Variants in PTPRD observed in about 807,000 individuals in gnomAD.
The protein encoded by PTPRD is protein tyrosine phosphatase receptor type D.
Under a neutral mutation model 214.5 loss-of-function variants are expected in PTPRD, and 34 were observed. That is an observed-to-expected ratio of 0.16 (90% confidence interval 0.12 to 0.21). The LOEUF is 0.21. Among genes scored for constraint, PTPRD ranks in the 10% least tolerant of loss-of-function variants. PTPRD has a pLI of 1.00. For synonymous variants in PTPRD, 1,128 were observed against 845.7 expected (o/e 1.33, Z -5.79); for missense variants, 2,545 against 2,398.7 (o/e 1.06, Z -1.27).
chr9:10,003,433 T>C (rs1465684166), intron 4 of PTPRD, among the ~76,000 whole-genome samples: 1 of 151,762 alleles, frequency 6.6e-6, no homozygotes, highest in African/African-American at 2.4e-5. Flanking sequence ...AAAAATGGGT[T>C]GGAGATGAAT....
chr9:9,803,539 G>A (rs1196953668), intron 5 of PTPRD, among the ~76,000 whole-genome samples: 2 of 151,920 alleles, frequency 1.3e-5, no homozygotes, highest in African/African-American at 4.8e-5. Context: ...ATCCCAAATA[G>A]ATAAAACTTC....
At chr9:10,183,561 T>C (rs2099313002) in intron 3 of PTPRD, among the ~76,000 whole-genome samples, 1 of 152,170 alleles carries the variant, frequency 6.6e-6, no homozygotes, top group South Asian at 2.1e-4. Context: ...GAAGAAGAAA[T>C]GCTGTTGCAG....
chr9:9,214,420 G>A (rs1346605439), intron 9 of PTPRD, among the ~76,000 whole-genome samples: 2 of 152,030 alleles, frequency 1.3e-5, no homozygotes, highest in Non-Finnish European at 2.9e-5. Flanking sequence ...TAACTCGGAA[G>A]ACATCATGAT....
chr9:8,512,663 T>C (rs1274051033), intron 21 of PTPRD, among the ~76,000 whole-genome samples: 7 of 151,974 alleles, frequency 4.6e-5, no homozygotes, highest in Non-Finnish European at 8.8e-5. Context: ...TTGATAAATA[T>C]ATATAATTCT....
chr9:10,154,839 G>T (rs2099083584), intron 3 of PTPRD, among the ~76,000 whole-genome samples: 2 of 152,126 alleles, frequency 1.3e-5, no homozygotes, highest in South Asian at 4.2e-4. Flanking sequence ...ATGCTGTTTT[G>T]TTTACTGTAG....
At chr9:9,090,124 C>T (rs1311534509) in intron 10 of PTPRD, among the ~76,000 whole-genome samples, 1 of 152,116 alleles carries the variant, frequency 6.6e-6, no homozygotes, top group African/African-American at 2.4e-5. Flanking sequence ...TTGTTGTTAA[C>T]TACAGTCACC....
intron 9 of PTPRD, among the ~76,000 whole-genome samples, chr9:9,214,992 T>C (rs1173155615): frequency 1.3e-5 from 2 of 152,204 alleles, no homozygotes; most frequent in Non-Finnish European, 2.9e-5. Flanking sequence ...CATGACATTC[T>C]GCTGCCTCTT....
At chr9:9,426,832 T>A (rs2382009) in intron 8 of PTPRD, among the ~76,000 whole-genome samples, 1 of 152,026 alleles carries the variant, frequency 6.6e-6, no homozygotes, top group African/African-American at 2.4e-5. Context: ...CTAACAGACC[T>A]GCAGCTGAGG....
chr9:10,329,071 C>A (rs1291898564), intron 3 of PTPRD, among the ~76,000 whole-genome samples: 1 of 151,704 alleles, frequency 6.6e-6, no homozygotes, highest in African/African-American at 2.4e-5. Context: ...TTTGGAACAC[C>A]AGCTTAATAC....
At chr9:8,940,437 C>G (rs1043795129) in intron 11 of PTPRD, among the ~76,000 whole-genome samples, 31 of 132,254 alleles carry the variant, frequency 2.3e-4, no homozygotes, top group Non-Finnish European at 4.5e-4. Flanking sequence ...CTCCTATCAC[C>G]ACTCCCAGCT....
At chr9:8,833,472 C>T (rs2097340456) in intron 11 of PTPRD, among the ~76,000 whole-genome samples, 3 of 151,850 alleles carry the variant, frequency 2.0e-5, no homozygotes, top group Admixed American at 2.0e-4. Flanking sequence ...CATATATATT[C>T]TAATTAGCCT....
intron 5 of PTPRD, among the ~76,000 whole-genome samples, chr9:9,860,676 T>C (rs753465056): frequency 2.0e-5 from 3 of 152,214 alleles, no homozygotes; most frequent in Non-Finnish European, 4.4e-5. Context: ...GCAGAATATG[T>C]CAATGTCACT....
At chr9:9,652,365 T>A (rs2096384176) in intron 7 of PTPRD, among the ~76,000 whole-genome samples, 1 of 152,186 alleles carries the variant, frequency 6.6e-6, no homozygotes, top group Admixed American at 6.5e-5. Flanking sequence ...CATTAATATA[T>A]GTAATTATGT....
At chr9:10,599,440 T>A (rs1417420309) in intron 2 of PTPRD, among the ~76,000 whole-genome samples, 1 of 151,800 alleles carries the variant, frequency 6.6e-6, no homozygotes, top group Non-Finnish European at 1.5e-5. Flanking sequence ...ACTTTTCTAC[T>A]GCAGTGTAGC....
intron 14 of PTPRD, among the ~76,000 whole-genome samples, chr9:8,579,374 A>G (rs547464924): frequency 6.6e-6 from 1 of 152,366 alleles, no homozygotes; most frequent in East Asian, 1.9e-4. Context: ...TGAAGTTTTA[A>G]AACTGGAACT....
chr9:10,381,447 T>C (rs1007601919), intron 2 of PTPRD, among the ~76,000 whole-genome samples: 39 of 152,044 alleles, frequency 2.6e-4, no homozygotes, highest in African/African-American at 8.7e-4. Flanking sequence ...TAGCATATCA[T>C]GCTTTCAATA....
intron 5 of PTPRD, among the ~76,000 whole-genome samples, chr9:9,917,080 A>G (rs546373084): frequency 6.8e-6 from 1 of 147,566 alleles, no homozygotes; most frequent in African/African-American, 2.5e-5. Flanking sequence ...AGGCAAGTAT[A>G]TATCAATAAA....
At chr9:8,753,530 T>C (rs1339203475) in intron 11 of PTPRD, among the ~76,000 whole-genome samples, 1 of 152,200 alleles carries the variant, frequency 6.6e-6, no homozygotes, top group African/African-American at 2.4e-5. Flanking sequence ...GCATGTTGTA[T>C]GTGCCTCTCC....
At chr9:10,485,618 G>C (rs553064280) in intron 2 of PTPRD, among the ~76,000 whole-genome samples, 1 of 151,756 alleles carries the variant, frequency 6.6e-6, no homozygotes, top group East Asian at 1.9e-4. Context: ...TTTTATTTGT[G>C]GTTATTGTCA....
Sources: allele counts gnomAD v4.1 joint callset (sites outside exome capture counted in the v4.1 genomes callset), GRCh38; gene constraint gnomAD v4.1.1; transcripts MANE v1.5; gene names NCBI Gene and HGNC (gene_info 2026-07-23, HGNC 2026-07-21).